Variants in AGBL1 observed in about 807,000 individuals in gnomAD.
AGBL1 encodes the protein cytosolic carboxypeptidase 4.
Under a neutral mutation model 118.9 loss-of-function variants are expected in AGBL1, and 130 were observed. The ratio of observed to expected loss-of-function variants is 1.09; its 90% CI spans 0.95 to 1.26. AGBL1 has a LOEUF of 1.26. AGBL1 is among the 50% of genes most tolerant of loss of function. The probability of loss-of-function intolerance (pLI) is 0.00; values close to 1 mark genes in which losing one functional copy is unlikely to be tolerated. For missense variants in AGBL1, 1,584 were observed against 1,298.1 expected, an observed-to-expected ratio of 1.22 and a Z score of -3.38; for synonymous variants, 555 against 478.9, an observed-to-expected ratio of 1.16 and a Z score of -2.08.
At chr15:86,834,753 G>A (rs1383568090) in intron 22 of AGBL1, among the ~76,000 whole-genome samples, 1 of 152,142 alleles carries the variant, frequency 6.6e-6, no homozygotes, top group African/African-American at 2.4e-5. Context: ...ACTTGTCCAT[G>A]CCAGGCCACT....
intron 22 of AGBL1, among the ~76,000 whole-genome samples, chr15:86,692,803 T>G (rs935859206): frequency 6.6e-6 from 1 of 152,132 alleles, no homozygotes; most frequent in Non-Finnish European, 1.5e-5. Context: ...TGTGTCATTC[T>G]TATGCCTTTG....
chr15:86,894,881 T>C (rs892475930), intron 22 of AGBL1, among the ~76,000 whole-genome samples: 19 of 152,322 alleles, frequency 1.2e-4, no homozygotes, highest in African/African-American at 4.1e-4. Flanking sequence ...GATAGAAAGG[T>C]TGGCAGGAGT....
chr15:86,114,668 T>C (rs531215922), intron 1 of AGBL1, among the ~76,000 whole-genome samples: 1 of 152,290 alleles, frequency 6.6e-6, no homozygotes, highest in South Asian at 2.1e-4. Flanking sequence ...CCTGTTGAAG[T>C]TGTAGGCCTT....
intron 23 of AGBL1, among the ~76,000 whole-genome samples, chr15:86,959,239 A>G (rs913259131): frequency 6.6e-6 from 1 of 152,144 alleles, no homozygotes; most frequent in Middle Eastern, 3.2e-3. Flanking sequence ...GTGTGTTCAT[A>G]AAAAAGGTAT....
At chr15:86,079,862 C>A, upstream of AGBL1, 1 of 719,256 alleles carries the variant, frequency 1.4e-6, no homozygotes, top group East Asian at 3.4e-5. Context: ...GCAGCTGAGG[C>A]CTCCGGGCAG....
rs79577770 is a variant in AGBL1, at chr15:86,976,984, G to A, written c.3222-11003G>A. ...GCATGTTATATTTTCTGAATTTGTTGATGTCTTTTAATTTTGACTCACTGT... is the reference window on the plus strand; with the variant it reads ...GCATGTTATATTTTCTGAATTTGTTAATGTCTTTTAATTTTGACTCACTGT... On this transcript the variant is annotated intron_variant, in intron 23 of 24. Coordinates refer to the AGBL1 transcript ENST00000441037. Among the ~76,000 whole-genome samples the A allele has an allele frequency of 9.4e-4, 143 of 151,908 alleles. 1 individual carries two copies. The highest frequency in any genetic ancestry group is 3.4e-3 in the African/African-American group (143 of 41,506).
intron 9 of AGBL1, among the ~76,000 whole-genome samples, chr15:86,261,041 T>C (rs79257962): frequency 6.6e-6 from 1 of 152,152 alleles, no homozygotes; most frequent in Non-Finnish European, 1.5e-5. Context: ...ACAACCATGA[T>C]CAAATGAATG....
intron 16 of AGBL1, among the ~76,000 whole-genome samples, chr15:86,280,530 G>T (rs370548451): frequency 4.6e-5 from 7 of 152,260 alleles, no homozygotes; most frequent in Admixed American, 6.5e-5. Context: ...CTACCATTTC[G>T]TGGATATCCT....
Position 86,440,287 on chromosome 15 carries a change from C to T in AGBL1, c.2555+42741C>T, listed in dbSNP as rs905507876. Among the ~76,000 whole-genome samples the T allele has an allele frequency of 6.6e-5, 10 of 151,972 alleles. No homozygotes were observed. The East Asian group carries it at 1.7e-3, about 26-fold the overall frequency. On this transcript the variant is annotated intron_variant, in intron 18 of 22. Coordinates refer to ENST00000614907, the MANE Select transcript of AGBL1 (RefSeq NM_001386094.1). ...ATTTAAAAAATAATAAAAGAATCTG[C>T]CCAACCAGAGAAATGCTTAAGAATA...
At chr15:86,488,396 G>A (rs1026690026) in intron 18 of AGBL1, among the ~76,000 whole-genome samples, 4 of 151,700 alleles carry the variant, frequency 2.6e-5, no homozygotes, top group African/African-American at 9.7e-5. Context: ...TTCTCATTAG[G>A]AGCTGACCCA....
Position 86,712,944 on chromosome 15 carries a change from C to T in AGBL1, c.3158+38508C>T, listed in dbSNP as rs572154097. On this transcript the variant is annotated intron_variant, in intron 22 of 22. Transcript: ENST00000614907. The stretch of plus-strand genomic sequence containing the variant: ...CCCTCCTCTCCTGGTCTGCATGATG[C>T]GATTTTAACAATTGCCACCCCCTTC... Among the ~76,000 whole-genome samples the T allele has an allele frequency of 2.6e-5, 4 of 152,218 alleles. No individual in the cohort carries two copies. The East Asian group carries it at 5.8e-4, about 22-fold the overall frequency.
At chr15:86,558,713 C>T (rs752564494) in intron 21 of AGBL1, among the ~76,000 whole-genome samples, 6 of 152,194 alleles carry the variant, frequency 3.9e-5, no homozygotes, top group African/African-American at 7.2e-5. Context: ...ATTCAATCAT[C>T]GGAACTCCGT....
chr15:86,471,112 G>A (rs2142102118), intron 18 of AGBL1, among the ~76,000 whole-genome samples: 1 of 152,178 alleles, frequency 6.6e-6, no homozygotes, highest in East Asian at 1.9e-4. Context: ...TGATCTAAGA[G>A]GAAAATCTTT....
chr15:86,466,796 T>A (rs192200925), intron 18 of AGBL1, among the ~76,000 whole-genome samples: 3 of 152,334 alleles, frequency 2.0e-5, no homozygotes, highest in African/African-American at 4.8e-5. Context: ...CCACTCCAGA[T>A]CCTATATGCC....
At chr15:86,268,473 G>C (rs966101572) in intron 13 of AGBL1, among the ~76,000 whole-genome samples, 5 of 152,134 alleles carry the variant, frequency 3.3e-5, no homozygotes, top group Non-Finnish European at 7.3e-5. Context: ...ATCAGGATGC[G>C]GCTAAGCTGC....
chr15:87,021,941 T>A (rs1241562546), intron 24 of AGBL1, among the ~76,000 whole-genome samples: 1 of 152,136 alleles, frequency 6.6e-6, no homozygotes, highest in African/African-American at 2.4e-5. Flanking sequence ...TATTCACGGC[T>A]GACAGACCTA....
chr15:86,319,474 C>T (rs970726221), intron 17 of AGBL1, among the ~76,000 whole-genome samples: 1 of 151,902 alleles, frequency 6.6e-6, no homozygotes, highest in African/African-American at 2.4e-5. Flanking sequence ...TTCTGTTCAT[C>T]CTCTCCTCCC....
At chr15:86,483,536 C>T (rs1262920961) in intron 18 of AGBL1, among the ~76,000 whole-genome samples, 1 of 152,086 alleles carries the variant, frequency 6.6e-6, no homozygotes, top group Non-Finnish European at 1.5e-5. Flanking sequence ...TCTGCAGTTC[C>T]TCTTGACCAA....
Position 86,245,319 on chromosome 15 carries a change from C to T in AGBL1, c.527-2352C>T, listed in dbSNP as rs1017867842. Among the ~76,000 whole-genome samples, 9 of 152,318 alleles carry T rather than the reference C, an allele frequency of 5.9e-5. 1 individual carries two copies. In the Middle Eastern group the frequency reaches 0.027, roughly 461 times the overall value. On this transcript the variant is annotated intron_variant, in intron 6 of 22. Coordinates refer to ENST00000614907, the MANE Select transcript of AGBL1 (RefSeq NM_001386094.1). ...AAATTTTGCTTATCTGATTATACCT[C>T]ATGGGCTCTCCCTCACACACACTCA...
Sources: gnomAD v4.1 joint callset for allele counts (sites outside exome capture counted in the v4.1 genomes callset) on GRCh38, gnomAD v4.1.1 for gene constraint, MANE v1.5 for transcripts, NCBI Gene and HGNC (gene_info 2026-07-23, HGNC 2026-07-21) for gene names.